Variants in PRTG observed in about 807,000 individuals in gnomAD.
The protein encoded by PRTG is protogenin.
A neutral mutation model predicts 122.5 loss-of-function variants in PRTG; 67 were observed. The ratio of observed to expected loss-of-function variants is 0.55; its 90% confidence interval spans 0.45 to 0.67. The LOEUF (loss-of-function observed/expected upper bound fraction) is 0.67, where lower values mean the gene tolerates loss of function less well. PRTG is among the 30% of genes least tolerant of loss of function. PRTG has a pLI of 0.00. For synonymous variants in PRTG, 554 were observed against 501.1 expected, an observed-to-expected ratio of 1.11 and a Z score of -1.41; for missense variants, 1,435 against 1,415.4, an observed-to-expected ratio of 1.01 and a Z score of -0.22.
intron 16 of PRTG, among the ~76,000 whole-genome samples, 166 bp from the exon 17 acceptor site, chr15:55,627,294 T>C (rs1197867578): frequency 2.6e-5 from 4 of 151,958 alleles, no homozygotes; most frequent in Admixed American, 6.6e-5. Flanking sequence ...TAATCAGTGA[T>C]TTCAGAGACA....
intron 6 of PRTG, chr15:55,679,818 G>C (rs2059526927): frequency 2.0e-6 from 1 of 495,578 alleles, no homozygotes; most frequent in Non-Finnish European, 3.6e-6. Flanking sequence ...GGAGATAGAA[G>C]GGAAGCCTAA....
intron 15 of PRTG, among the ~76,000 whole-genome samples, chr15:55,629,574 G>C (rs939973662): frequency 6.6e-6 from 1 of 152,032 alleles, no homozygotes; most frequent in South Asian, 2.1e-4. Flanking sequence ...TTTAGAGACA[G>C]GGTCTTGCTA....
chr15:55,688,773 G>C (rs2059584461), intron 2 of PRTG, among the ~76,000 whole-genome samples: 1 of 152,232 alleles, frequency 6.6e-6, no homozygotes, highest in South Asian at 2.1e-4. Flanking sequence ...GGCAGAGGTT[G>C]CAGTGAGCTG....
chr15:55,716,447 T>C (rs1259297460), intron 2 of PRTG, among the ~76,000 whole-genome samples: 1 of 152,192 alleles, frequency 6.6e-6, no homozygotes, highest in Non-Finnish European at 1.5e-5. Flanking sequence ...ACTGAACTCT[T>C]GGTTAGCCCT....
chr15:55,663,639 T>A (rs2059421868), intron 11 of PRTG, among the ~76,000 whole-genome samples: 1 of 151,918 alleles, frequency 6.6e-6, no homozygotes, highest in Non-Finnish European at 1.5e-5. Flanking sequence ...CCTCCCAGGT[T>A]CAAGTGATTC....
rs1322136448 is a variant in PRTG, at chr15:55,618,407, T to G, written c.*1605A>C. ...TTCCTTTTAAAATGAGAATCAAAAGTCACTTCCAGAAAATTTGAAAAAATA... is the reference window on the plus strand; with the variant it reads ...TTCCTTTTAAAATGAGAATCAAAAGGCACTTCCAGAAAATTTGAAAAAATA... On this transcript the variant is annotated 3_prime_UTR_variant, in exon 20 of 20. Transcript: ENST00000389286. The G allele has an allele frequency of 1.3e-5, 2 of 152,136 alleles. No homozygotes were observed. Among genetic ancestry groups the G allele is most frequent in the African/African-American group, 4.8e-5 (2 of 41,436 alleles). 9.4% of individuals were successfully genotyped at this position (152,136 alleles called of 1,614,324 possible). A position where few individuals can be genotyped will look rare whatever the true frequency, so the allele number is the denominator to read the frequency against.
chr15:55,641,077 G>A (rs1329519350), intron 12 of PRTG, 36 bp downstream of exon 12: 4 of 1,394,230 alleles, frequency 2.9e-6, no homozygotes, highest in East Asian at 2.3e-5. Flanking sequence ...AACGGTGTGA[G>A]CCATAGTAAA....
At chr15:55,693,159 T>C (rs895204183) in intron 2 of PRTG, among the ~76,000 whole-genome samples, 45 of 152,208 alleles carry the variant, frequency 3.0e-4, no homozygotes, top group African/African-American at 1.0e-3. Flanking sequence ...AAGGATATTT[T>C]TTTAAAAGAC....
chr15:55,725,317 A>G (rs2030985374), intron 2 of PRTG, among the ~76,000 whole-genome samples: 1 of 152,262 alleles, frequency 6.6e-6, no homozygotes, highest in Non-Finnish European at 1.5e-5. Context: ...GAAGAAATTC[A>G]AAACGGTTCA....
At chr15:55,726,144 T>C (rs79857813) in intron 2 of PRTG, among the ~76,000 whole-genome samples, 1 of 152,172 alleles carries the variant, frequency 6.6e-6, no homozygotes, top group Admixed American at 6.5e-5. Flanking sequence ...GGTTTCACCA[T>C]GTGGGCCAAG....
chr15:55,676,472 G>A (rs762751810), intron 8 of PRTG, among the ~76,000 whole-genome samples: 29 of 152,100 alleles, frequency 1.9e-4, no homozygotes, highest in African/African-American at 5.3e-4. Context: ...CTCTAAGGAC[G>A]GAGTCCCTTC....
rs1001558480 is a variant in PRTG at position 55,613,435 on chromosome 15, T to C, written c.*6577A>G. Reference sequence around the variant, plus strand: ...AAGACATTGTCGAATAAGGAAATGCTTGACTAGAAAAGGACTCTAGAAACC... The same window carrying C: ...AAGACATTGTCGAATAAGGAAATGCCTGACTAGAAAAGGACTCTAGAAACC... On this transcript the variant is annotated 3_prime_UTR_variant, in exon 20 of 20. Transcript: ENST00000389286. 2.6e-5 allele frequency: 4 copies of C among 152,068 alleles called. No individual in the cohort carries two copies. Among genetic ancestry groups the C allele is most frequent in the Non-Finnish European group, 5.9e-5 (4 of 67,962 alleles). The allele number at this position is 152,068 out of a possible 1,614,324, so 9.4% of individuals were successfully genotyped here.
intron 11 of PRTG, among the ~76,000 whole-genome samples, chr15:55,656,669 G>A (rs527392378): frequency 1.8e-4 from 28 of 152,120 alleles, no homozygotes; most frequent in Non-Finnish European, 3.5e-4. Flanking sequence ...CACCATGCCC[G>A]GCTAATATTT....
intron 2 of PRTG, among the ~76,000 whole-genome samples, chr15:55,708,603 G>A (rs961583357): frequency 3.3e-5 from 5 of 152,012 alleles, no homozygotes; most frequent in Non-Finnish European, 2.9e-5. Context: ...GCAAGACTCC[G>A]TCTCAAAAAT....
chr15:55,669,000 TGTA>T (rs2059453380), intron 11 of PRTG, among the ~76,000 whole-genome samples: 1 of 152,344 alleles, frequency 6.6e-6, no homozygotes, highest in African/African-American at 2.4e-5. Flanking sequence ...CACCTTTTTA[TGTA>T]GTACTACATC....
intron 2 of PRTG, among the ~76,000 whole-genome samples, chr15:55,717,303 A>G (rs1282899370): frequency 1.3e-5 from 2 of 152,214 alleles, no homozygotes; most frequent in African/African-American, 4.8e-5. Context: ...AAAATCTGGG[A>G]AAAACAATAT....
chr15:55,741,352 C>G (rs1423857689), intron 1 of PRTG, among the ~76,000 whole-genome samples: 1 of 152,170 alleles, frequency 6.6e-6, no homozygotes. Flanking sequence ...AGTGGGTGAT[C>G]GGATTAAGAA....
intron 15 of PRTG, among the ~76,000 whole-genome samples, chr15:55,635,178 G>A (rs1472031944): frequency 6.6e-6 from 1 of 151,820 alleles, no homozygotes; most frequent in African/African-American, 2.4e-5. Flanking sequence ...TGCAACCTCT[G>A]CCTCCCTGGT....
Position 55,673,629 on chromosome 15 carries a change from C to T in PRTG, c.1594G>A (p.Asp532Asn). The T allele has an allele frequency of 6.2e-7, 1 of 1,614,194 alleles. No homozygotes were observed. Among genetic ancestry groups the T allele is most frequent in the Non-Finnish European group, 8.5e-7 (1 of 1,180,020 alleles). The change falls in exon 10 of 20, where the codon GAT becomes AAT. Residue 532 changes from aspartate (D) to asparagine (N), a missense_variant. Physicochemically the swap from Asp to Asn is conservative, Grantham distance 23. Coordinates refer to ENST00000389286, the MANE Select transcript of PRTG (RefSeq NM_173814.6). ...EISLTSRSPT[D>N]ILISWLPIPA... is the part of the protein sequence containing the mutation. The stretch of plus-strand genomic sequence containing the variant: ...ATTGGCAGCCAGGAGATGAGAATAT[C>T]AGTGGGACTTCGACTTGTCAAACTA...
Sources: gnomAD v4.1 joint callset for allele counts (sites outside exome capture counted in the v4.1 genomes callset) on GRCh38, gnomAD v4.1.1 for gene constraint, MANE v1.5 for transcripts, NCBI Gene and HGNC (gene_info 2026-07-23, HGNC 2026-07-21) for gene names.